Variants in RIMS4 observed in about 807,000 individuals in gnomAD.
RIMS4 encodes the protein regulating synaptic membrane exocytosis 4, also known as regulating synaptic membrane exocytosis protein 4.
Under a neutral mutation model 29.0 loss-of-function variants are expected in RIMS4, and 9 were observed. The ratio of observed to expected loss-of-function variants is 0.31; its 90% CI spans 0.19 to 0.54. The LOEUF (loss-of-function observed/expected upper bound fraction) is 0.54, where lower values mean the gene tolerates loss of function less well. RIMS4 is among the 20% of genes least tolerant of loss of function. The pLI, the probability that RIMS4 is intolerant of heterozygous loss-of-function variation, is 0.94. For synonymous variants in RIMS4, 130 were observed against 152.9 expected (o/e 0.85, Z 1.10); for missense variants, 193 against 365.7 (o/e 0.53, Z 3.85).
At position 44,805,053 on chromosome 20, in the gene RIMS4, A is replaced by C. The variant is rs75712413; in HGVS notation, c.97+5122T>G. ...GGTGGCGCATGCCTGTAATCTTAGCACTTTGGGAGTCCAAGACGGGAGGAT... is the reference window on the plus strand; with the variant it reads ...GGTGGCGCATGCCTGTAATCTTAGCCCTTTGGGAGTCCAAGACGGGAGGAT... On this transcript the variant is annotated intron_variant, in intron 1 of 5. Coordinates refer to ENST00000372851, the MANE Select transcript of RIMS4 (RefSeq NM_182970.4). 3.4e-3 allele frequency among the ~76,000 whole-genome samples: 524 copies of C among 152,214 alleles called. 3 individuals carry two copies. The highest frequency in any genetic ancestry group is 0.011 in the African/African-American group (462 of 41,520).
At chr20:44,774,848 G>C (rs1014037067) in intron 1 of RIMS4, among the ~76,000 whole-genome samples, 1 of 151,894 alleles carries the variant, frequency 6.6e-6, no homozygotes, top group Non-Finnish European at 1.5e-5. Flanking sequence ...TGGGCCTTGC[G>C]TCTGCTGCCT....
chr20:44,778,962 T>C (rs2066172090), intron 1 of RIMS4, among the ~76,000 whole-genome samples: 1 of 152,168 alleles, frequency 6.6e-6, no homozygotes, highest in Non-Finnish European at 1.5e-5. Context: ...TGCCTGAGCT[T>C]CCCAAATCTC....
intron 1 of RIMS4, among the ~76,000 whole-genome samples, chr20:44,774,150 C>G (rs947192394): frequency 6.6e-6 from 1 of 152,122 alleles, no homozygotes; most frequent in Admixed American, 6.5e-5. Flanking sequence ...TGGGCCATGG[C>G]CCCCAAAGTG....
intron 2 of RIMS4, among the ~76,000 whole-genome samples, chr20:44,761,088 A>G (rs1369783854): frequency 6.6e-6 from 1 of 152,142 alleles, no homozygotes; most frequent in African/African-American, 2.4e-5. Context: ...GAAAATCCTG[A>G]ACCAAGTGGG....
intron 1 of RIMS4, among the ~76,000 whole-genome samples, chr20:44,793,954 A>T (rs150315433): frequency 2.6e-5 from 4 of 152,326 alleles, no homozygotes; most frequent in Non-Finnish European, 5.9e-5. Context: ...CTGTAGTCCC[A>T]GCTTTTTGGG....
intron 4 of RIMS4, 53 bp downstream of exon 4, chr20:44,757,617 G>T: frequency 6.9e-7 from 1 of 1,449,404 alleles, no homozygotes; most frequent in Non-Finnish European, 9.7e-7. Flanking sequence ...TACCCATCAG[G>T]ATATCCTCCC....
At chr20:44,792,048 G>T (rs368239545) in intron 1 of RIMS4, among the ~76,000 whole-genome samples, 1 of 152,010 alleles carries the variant, frequency 6.6e-6, no homozygotes, top group Non-Finnish European at 1.5e-5. Context: ...ACCCTTCAAG[G>T]TGGGACTCAG....
Position 44,807,158 on chromosome 20 carries a change from C to A in RIMS4, c.97+3017G>T, listed in dbSNP as rs535791654. ...TCCTTGTGAAAGAGGGCAAAAGGAG[C>A]ATCTCAAGAAGTAAGTTCAAAGTGC... On this transcript the variant is annotated intron_variant, in intron 1 of 5. Coordinates refer to ENST00000372851, the MANE Select transcript of RIMS4 (RefSeq NM_182970.4). 5.3e-5 allele frequency among the ~76,000 whole-genome samples: 8 copies of A among 152,272 alleles called. No individual in the cohort carries two copies. In the South Asian group the frequency reaches 1.7e-3, roughly 32 times the overall value.
chr20:44,770,250 C>T (rs1230592279), intron 2 of RIMS4, among the ~76,000 whole-genome samples: 1 of 152,132 alleles, frequency 6.6e-6, no homozygotes, highest in Non-Finnish European at 1.5e-5. Context: ...GGGTTCCAGA[C>T]CTGGTAACAC....
At chr20:44,807,335 T>C (rs754272859) in intron 1 of RIMS4, among the ~76,000 whole-genome samples, 2 of 152,208 alleles carry the variant, frequency 1.3e-5, no homozygotes, top group Non-Finnish European at 2.9e-5. Flanking sequence ...AGGAATGTGC[T>C]CTGCCCCAGT....
intron 1 of RIMS4, among the ~76,000 whole-genome samples, chr20:44,791,465 G>C (rs1190073368): frequency 6.6e-6 from 1 of 152,226 alleles, no homozygotes; most frequent in Non-Finnish European, 1.5e-5. Context: ...TTGCTCCAAG[G>C]ATTGTATAAG....
chr20:44,806,353 C>G (rs2066298721), intron 1 of RIMS4, among the ~76,000 whole-genome samples: 1 of 152,162 alleles, frequency 6.6e-6, no homozygotes, highest in African/African-American at 2.4e-5. Context: ...GGCAGAGTGT[C>G]AGGGCTGGGA....
chr20:44,802,465 T>A (rs2066281226), intron 1 of RIMS4, among the ~76,000 whole-genome samples: 1 of 152,200 alleles, frequency 6.6e-6, no homozygotes, highest in South Asian at 2.1e-4. Flanking sequence ...CAAAGCTATG[T>A]TCTTTCTGTC....
Position 44,810,499 on chromosome 20 carries a change from G to A in RIMS4, c.-228C>T, listed in dbSNP as rs1278906429. Among the ~76,000 whole-genome samples the A allele has an allele frequency of 1.5e-5, 2 of 129,476 alleles. No homozygotes were observed. Among genetic ancestry groups the A allele is most frequent in the East Asian group, 2.0e-4 (1 of 4,918 alleles). The allele number at this position is 129,476 out of a possible 152,430, so 84.9% of individuals were successfully genotyped here. A position where few individuals can be genotyped will look rare whatever the true frequency, so the allele number is the denominator to read the frequency against. ...CGAGGCGCGCTGTGCTGCTGGCGGC[G>A]GCGGCGGCGGCGGCGGTGGCGGCGG... is the stretch of plus-strand genomic sequence containing the variant. On this transcript the variant is annotated 5_prime_UTR_variant, in exon 1 of 6. Transcript: ENST00000372851.
intron 1 of RIMS4, among the ~76,000 whole-genome samples, chr20:44,809,702 A>G (rs954000114): frequency 2.0e-5 from 3 of 152,032 alleles, no homozygotes; most frequent in African/African-American, 7.2e-5. Flanking sequence ...GGCGCCGGGC[A>G]GGGGTCTTGG....
Position 44,810,417 on chromosome 20 carries a change from G to A in RIMS4, c.-146C>T, listed in dbSNP as rs2066319819. 1 of 150,778 alleles carries A rather than the reference G, an allele frequency of 6.6e-6. No homozygotes were observed. The highest frequency in any genetic ancestry group is 6.8e-5 in the Admixed American group (1 of 14,670). 9.3% of individuals were successfully genotyped at this position (150,778 alleles called of 1,614,324 possible). A position where few individuals can be genotyped will look rare whatever the true frequency, so the allele number is the denominator to read the frequency against. ...GGGCCGGGCCGAGGCTCCGCTGCGGGGCTGGCGGGCGCGGCGGGGCCGGCG... is the reference window on the plus strand; with the variant it reads ...GGGCCGGGCCGAGGCTCCGCTGCGGAGCTGGCGGGCGCGGCGGGGCCGGCG... On this transcript the variant is annotated 5_prime_UTR_variant, in exon 1 of 6. Transcript: ENST00000372851.
chr20:44,779,113 T>C (rs1408097752), intron 1 of RIMS4, among the ~76,000 whole-genome samples: 1 of 152,258 alleles, frequency 6.6e-6, no homozygotes, highest in East Asian at 1.9e-4. Context: ...CTCTACATTC[T>C]ATTCACAATG....
intron 1 of RIMS4, among the ~76,000 whole-genome samples, chr20:44,789,899 G>C (rs1219579948): frequency 6.6e-6 from 1 of 152,224 alleles, no homozygotes; most frequent in Non-Finnish European, 1.5e-5. Flanking sequence ...GGAGAAGAAG[G>C]ATTTTCCACA....
intron 1 of RIMS4, among the ~76,000 whole-genome samples, chr20:44,793,697 G>A (rs1480238361): frequency 6.6e-6 from 1 of 152,174 alleles, no homozygotes; most frequent in Non-Finnish European, 1.5e-5. Flanking sequence ...GAAGCCAGAG[G>A]CCTGACTGGA....
Sources: allele counts gnomAD v4.1 joint callset (sites outside exome capture counted in the v4.1 genomes callset), GRCh38; gene constraint gnomAD v4.1.1; transcripts MANE v1.5; gene names NCBI Gene and HGNC (gene_info 2026-07-23, HGNC 2026-07-21).